Variants in STARD6 observed in about 807,000 individuals in gnomAD.
STARD6 encodes stAR-related lipid transfer protein 6.
A neutral mutation model predicts 22.3 loss-of-function variants in STARD6; 21 were observed. The ratio of observed to expected loss-of-function variants is 0.94; its 90% CI spans 0.67 to 1.35. STARD6 has a LOEUF of 1.35. STARD6 is among the 40% of genes most tolerant of loss of function. STARD6 has a pLI of 0.00. For synonymous variants in STARD6, 80 were observed against 88.1 expected (o/e 0.91, Z 0.52); for missense variants, 269 against 266.9 (o/e 1.01, Z -0.05).
intron 4 of STARD6, among the ~76,000 whole-genome samples, chr18:54,346,307 A>C (rs970907246): frequency 3.9e-5 from 6 of 152,164 alleles, no homozygotes; most frequent in Non-Finnish European, 7.4e-5. Flanking sequence ...ACGTAAGAAG[A>C]AGCTTATGGT....
intron 4 of STARD6, among the ~76,000 whole-genome samples, chr18:54,338,134 A>T (rs1344885): frequency 0.068 from 10,370 of 152,250 alleles, 409 homozygotes; most frequent in African/African-American, 0.091. Flanking sequence ...CTCAGGGACA[A>T]AAGTATAGTA....
intron 6 of STARD6, among the ~76,000 whole-genome samples, chr18:54,330,833 A>G (rs2088859321): frequency 6.6e-6 from 1 of 152,104 alleles, no homozygotes; most frequent in Non-Finnish European, 1.5e-5. Flanking sequence ...GTTCAGACAA[A>G]CTATTTTATG....
intron 4 of STARD6, among the ~76,000 whole-genome samples, chr18:54,353,322 T>G (rs2089114537): frequency 6.6e-6 from 1 of 152,204 alleles, no homozygotes; most frequent in Non-Finnish European, 1.5e-5. Flanking sequence ...TGAAATAATT[T>G]TATCCTTAAA....
At position 54,324,518 on chromosome 18, in the gene STARD6, A is replaced by G; in HGVS notation, c.*174T>C. On this transcript the variant is annotated 3_prime_UTR_variant, in exon 8 of 8. Coordinates refer to ENST00000307844, the MANE Select transcript of STARD6 (RefSeq NM_139171.2). ...GAGATTAAAAACGGTATTTAATGCCATATTCTTGTACAACTATGAGTTCTT... is the reference window on the plus strand; with the variant it reads ...GAGATTAAAAACGGTATTTAATGCCGTATTCTTGTACAACTATGAGTTCTT... The G allele has an allele frequency of 1.9e-6, 1 of 517,184 alleles. No individual in the cohort carries two copies. Among genetic ancestry groups the G allele is most frequent in the Non-Finnish European group, 3.3e-6 (1 of 306,478 alleles). 32.0% of individuals were successfully genotyped at this position (517,184 alleles called of 1,614,324 possible).
chr18:54,332,974 C>G (rs1236648870), intron 5 of STARD6, among the ~76,000 whole-genome samples: 2 of 152,006 alleles, frequency 1.3e-5, no homozygotes, highest in Non-Finnish European at 2.9e-5. Flanking sequence ...TACTACAAAT[C>G]TTTACAAAAA....
intron 5 of STARD6, among the ~76,000 whole-genome samples, chr18:54,336,630 T>C (rs566882451): frequency 6.6e-6 from 1 of 152,220 alleles, no homozygotes; most frequent in Non-Finnish European, 1.5e-5. Flanking sequence ...GTTCTCATGA[T>C]AGTGAGTGAG....
At chr18:54,350,275 T>A (rs1057297840) in intron 4 of STARD6, among the ~76,000 whole-genome samples, 2 of 152,220 alleles carry the variant, frequency 1.3e-5, no homozygotes, top group Non-Finnish European at 2.9e-5. Context: ...GCCATTTGTA[T>A]ATCTTCTTTT....
At chr18:54,340,215 G>C (rs1002981807) in intron 4 of STARD6, among the ~76,000 whole-genome samples, 4 of 152,040 alleles carry the variant, frequency 2.6e-5, no homozygotes, top group African/African-American at 9.7e-5. Flanking sequence ...TATGGTATTT[G>C]ATTTGTAACA....
At chr18:54,339,483 A>G (rs2088950752) in intron 4 of STARD6, among the ~76,000 whole-genome samples, 2 of 151,968 alleles carry the variant, frequency 1.3e-5, no homozygotes, top group South Asian at 2.1e-4. Flanking sequence ...AGCAGTTAAA[A>G]AAAAAAAAGG....
intron 5 of STARD6, among the ~76,000 whole-genome samples, chr18:54,332,463 C>T (rs1568167390): frequency 6.6e-6 from 1 of 152,136 alleles, no homozygotes; most frequent in African/African-American, 2.4e-5. Context: ...TCCCTGGTGG[C>T]CCATGGAATC....
At chr18:54,332,911 G>T (rs535467410) in intron 5 of STARD6, among the ~76,000 whole-genome samples, 23 of 151,792 alleles carry the variant, frequency 1.5e-4, no homozygotes, top group African/African-American at 5.6e-4. Flanking sequence ...TCTCTAAAAA[G>T]AATAATAATT....
At chr18:54,341,693 G>A (rs549631856) in intron 4 of STARD6, among the ~76,000 whole-genome samples, 48 of 152,198 alleles carry the variant, frequency 3.2e-4, no homozygotes, top group Middle Eastern at 6.8e-3. Flanking sequence ...TTAAGTCAAA[G>A]AAAAATTAGA....
chr18:54,327,180 A>G (rs961727466), intron 7 of STARD6, among the ~76,000 whole-genome samples: 14 of 152,214 alleles, frequency 9.2e-5, no homozygotes. Context: ...AGTTTTGCTA[A>G]TAATAAAATA....
chr18:54,324,703 T>C lies in STARD6; in HGVS notation c.652A>G (p.Ser218Gly). Residue 218 changes from serine to glycine, a missense_variant, in exon 8 of 8, where the codon AGT (serine) becomes GGT (glycine). Physicochemically the swap from Ser to Gly is moderately conservative, Grantham distance 56. Coordinates refer to ENST00000307844, the MANE Select transcript of STARD6 (RefSeq NM_139171.2). ...TTCTTCTTTTGGTATCATGAATGAC[T>C]ATTATGATGAAATCCACGTCTTGAT... is the stretch of plus-strand genomic sequence containing the variant. ...TPSRRGFHHNSHS is the reference protein window; with the variant it reads ...TPSRRGFHHNGHS 6.2e-7 allele frequency: 1 copy of C among 1,613,160 alleles called. No individual in the cohort carries two copies. Among genetic ancestry groups the C allele is most frequent in the Non-Finnish European group, 8.5e-7 (1 of 1,179,616 alleles).
intron 4 of STARD6, among the ~76,000 whole-genome samples, chr18:54,345,269 A>G (rs1284053207): frequency 6.6e-6 from 1 of 152,180 alleles, no homozygotes; most frequent in East Asian, 1.9e-4. Flanking sequence ...TCAGAAAACA[A>G]TTCCATTTAC....
rs1393658967 is a variant in STARD6, at chr18:54,342,504, GTC to G, written c.141-5255_141-5254del. Reference sequence around the variant, plus strand: ...CCGTCTCCGTCTCCCTCTCCCCACGGTCTCCCTCTCATGCGGAGCCGAAGCTG... The same window carrying G: ...CCGTCTCCGTCTCCCTCTCCCCACGGTCCCTCTCATGCGGAGCCGAAGCTG... On this transcript the variant is annotated intron_variant, in intron 4 of 7. Coordinates refer to ENST00000307844, the MANE Select transcript of STARD6 (RefSeq NM_139171.2). Among the ~76,000 whole-genome samples, 467 of 124,768 alleles carry G rather than the reference GTC, an allele frequency of 3.7e-3. 9 individuals carry two copies. The highest frequency in any genetic ancestry group is 0.015 in the African/African-American group (428 of 28,988). 81.9% of individuals were successfully genotyped at this position (124,768 alleles called of 152,430 possible).
At chr18:54,335,157 C>G (rs942203400) in intron 5 of STARD6, among the ~76,000 whole-genome samples, 2 of 150,956 alleles carry the variant, frequency 1.3e-5, no homozygotes, top group Non-Finnish European at 2.9e-5. Context: ...TCCCCCCATC[C>G]CTCCAGGTGG....
chr18:54,354,137 C>A, intron 3 of STARD6, 34 bp from the exon 4 acceptor site: 1 of 1,339,846 alleles, frequency 7.5e-7, no homozygotes, highest in South Asian at 1.4e-5. Context: ...AAATAATTAG[C>A]TGTCAAATGC....
At chr18:54,353,965 AT>A in intron 4 of STARD6, 88 bp downstream of exon 4, 1 of 725,578 alleles carries the variant, frequency 1.4e-6, no homozygotes, top group Non-Finnish European at 2.3e-6. Context: ...AAAATAATTT[AT>A]TATAGCTAAT....
Sources: allele counts gnomAD v4.1 joint callset (sites outside exome capture counted in the v4.1 genomes callset), GRCh38; gene constraint gnomAD v4.1.1; transcripts MANE v1.5; gene names NCBI Gene and HGNC (gene_info 2026-07-23, HGNC 2026-07-21).